The following COL6A5 variants were observed in gnomAD, a reference collection of about 807,000 sequenced individuals.
The protein encoded by COL6A5 is collagen type VI alpha 5 chain.
COL6A5 carries 48 observed loss-of-function variants against 65.6 expected under a neutral mutation model. The observed-to-expected ratio is 0.73, with a 90% CI of 0.58 to 0.93. The LOEUF (loss-of-function observed/expected upper bound fraction) is 0.93. COL6A5 is among the 40% of genes least tolerant of loss of function. The pLI is 0.00. For missense variants in COL6A5, 914 were observed against 928.3 expected (o/e 0.98, Z 0.20); for synonymous variants, 291 against 322.8 (o/e 0.90, Z 1.05).
rs375116253 is a variant in COL6A5 at position 130,381,516 on chromosome 3, A to G, written c.1300+1466A>G. ...ATTTTCTGACATTTAAATCCTGTCT[A>G]TTTTTTTCTTCTATCATTCCAGTGA... On this transcript the variant is annotated intron_variant and NMD_transcript_variant, in intron 4 of 41. Transcript: ENST00000312481. 7.2e-5 allele frequency among the ~76,000 whole-genome samples: 11 copies of G among 151,942 alleles called. No homozygotes were observed. In the South Asian group the frequency reaches 1.7e-3, roughly 23 times the overall value.
intron 4 of COL6A5, among the ~76,000 whole-genome samples, chr3:130,447,886 G>A (rs1276205808): frequency 1.3e-5 from 2 of 152,146 alleles, no homozygotes; most frequent in Non-Finnish European, 2.9e-5. Context: ...TTAGGAATGG[G>A]TTGATCCTTG....
At chr3:130,394,212 A>G (rs1311717858) in intron 7 of COL6A5, among the ~76,000 whole-genome samples, 1 of 152,194 alleles carries the variant, frequency 6.6e-6, no homozygotes, top group Non-Finnish European at 1.5e-5. Context: ...GAGAAGTTCT[A>G]ACATTTGAGT....
intron 7 of COL6A5, among the ~76,000 whole-genome samples, chr3:130,473,250 G>C (rs1054764099): frequency 6.6e-6 from 1 of 151,974 alleles, no homozygotes; most frequent in Non-Finnish European, 1.5e-5. Flanking sequence ...GCAAAAGCAA[G>C]TATATTGTGA....
rs1936122826 is a variant in COL6A5 at position 130,384,803 on chromosome 3, G to A, written c.1301-1G>A. 1 of 1,533,906 alleles carries A rather than the reference G, an allele frequency of 6.5e-7. No individual in the cohort carries two copies. Among genetic ancestry groups the A allele is most frequent in the Non-Finnish European group, 8.8e-7 (1 of 1,139,568 alleles). On this transcript the variant is annotated splice_acceptor_variant and NMD_transcript_variant, in intron 4 of 41. Coordinates refer to the COL6A5 transcript ENST00000312481. The stretch of plus-strand genomic sequence containing the variant: ...TTACAGAGAATGCACTTCTTTTTCA[G>A]GCTGTGTGGATACAAAAGAGGCTGA...
rs545336171 is a variant in COL6A5, at chr3:130,408,450, C to G, written c.4480-876C>G. ...GTCAGACTGGTTGTCTGCTCGCGAA[C>G]ACTGTTTCCTGTTAAGATGTTTATC... is the stretch of plus-strand genomic sequence containing the variant. On this transcript the variant is annotated intron_variant and NMD_transcript_variant, in intron 17 of 41. Transcript: ENST00000312481. 4.7e-4 allele frequency among the ~76,000 whole-genome samples: 71 copies of G among 152,248 alleles called. No homozygotes were observed. In the East Asian group the frequency reaches 0.013, roughly 28 times the overall value.
intron 1 of COL6A5, among the ~76,000 whole-genome samples, chr3:130,360,703 G>A (rs937735164): frequency 2.6e-5 from 4 of 152,052 alleles, no homozygotes; most frequent in Non-Finnish European, 1.5e-5. Context: ...CACCTTTATT[G>A]CTAGTCCAGA....
At chr3:130,473,589 G>A (rs2107619413) in intron 7 of COL6A5, among the ~76,000 whole-genome samples, 1 of 152,210 alleles carries the variant, frequency 6.6e-6, no homozygotes, top group East Asian at 1.9e-4. Flanking sequence ...TATACCACTG[G>A]AGGCTATATG....
At chr3:130,479,995 T>C (rs1710195555) in intron 7 of COL6A5, among the ~76,000 whole-genome samples, 1 of 152,064 alleles carries the variant, frequency 6.6e-6, no homozygotes, top group Non-Finnish European at 1.5e-5. Flanking sequence ...TACTGGGTGA[T>C]TTTCGGGATA....
chr3:130,455,415 A>G, intron 4 of COL6A5, 40 bp from the exon 37 acceptor site: 1 of 1,304,272 alleles, frequency 7.7e-7, no homozygotes, highest in South Asian at 1.3e-5. Context: ...CTCCTTCTCT[A>G]AAGTTATCTA....
At chr3:130,384,835 C>T (rs1431025212) in exon 5 of COL6A5, 2 of 1,549,298 alleles carry the variant, frequency 1.3e-6, no homozygotes, top group Non-Finnish European at 1.7e-6. Flanking sequence ...CTGATATCCA[C>T]TTCCTCATTG....
At chr3:130,432,205 T>A (rs949027286) in intron 1 of COL6A5, among the ~76,000 whole-genome samples, 2 of 152,126 alleles carry the variant, frequency 1.3e-5, no homozygotes, top group African/African-American at 4.8e-5. Context: ...CCATATGTAT[T>A]CATACATTCT....
Position 130,406,195 on chromosome 3 carries a change from G to A in COL6A5, c.4425+20G>A. ...GAAGAGGTAAGCCATATTTCTTCAA[G>A]TATCATAAAACTGTCATGAGGTTGC... On this transcript the variant is annotated intron_variant and NMD_transcript_variant, in intron 16 of 41. Coordinates refer to the COL6A5 transcript ENST00000312481. 1 of 1,550,410 alleles carries A rather than the reference G, an allele frequency of 6.4e-7. No individual in the cohort carries two copies.
At chr3:130,369,372 G>A (rs1935467926) in intron 1 of COL6A5, among the ~76,000 whole-genome samples, 1 of 152,170 alleles carries the variant, frequency 6.6e-6, no homozygotes, top group Admixed American at 6.5e-5. Context: ...CCAATAAACT[G>A]TTTACATACT....
At chr3:130,352,133 A>T (rs1377644368) in intron 1 of COL6A5, among the ~76,000 whole-genome samples, 1 of 152,178 alleles carries the variant, frequency 6.6e-6, no homozygotes, top group East Asian at 1.9e-4. Flanking sequence ...CAGGGCGGGG[A>T]ACATCACACA....
chr3:130,345,712 G>T, exon 1 of COL6A5: 2 of 398,708 alleles, frequency 5.0e-6, no homozygotes, highest in South Asian at 1.3e-4. Flanking sequence ...AAGCCCCAGG[G>T]AAGAGCCAGG....
chr3:130,407,451 G>T (rs1577477821), intron 17 of COL6A5, among the ~76,000 whole-genome samples: 1 of 152,350 alleles, frequency 6.6e-6, no homozygotes, highest in East Asian at 1.9e-4. Context: ...ACGATACTTT[G>T]CAGATGACAT....
Position 130,455,486 on chromosome 3 carries a change from G to T in COL6A5, c.1366G>T (p.Gly456Ter). The change falls in exon 5 of 8, where the codon GGA (glycine) becomes TGA (stop). Residue 456 changes from glycine to a stop codon, truncating the protein, a stop_gained. Coordinates refer to ENST00000512836, the Ensembl canonical transcript of COL6A5. LOFTEE classifies it high-confidence loss of function. ...TACTGAGCTACAAGAGGATTTTTTG[G>T]GAGGTAATGGCTTCATTGGCCAAGA... 6.2e-7 allele frequency: 1 copy of T among 1,611,902 alleles called. No homozygotes were observed. The highest frequency in any genetic ancestry group is 1.1e-5 in the South Asian group (1 of 90,940).
intron 1 of COL6A5, among the ~76,000 whole-genome samples, chr3:130,364,118 C>A (rs1291363103): frequency 4.6e-5 from 7 of 152,264 alleles, no homozygotes; most frequent in African/African-American, 1.4e-4. Context: ...TGCACTGGGA[C>A]CACAGTCATA....
chr3:130,349,580 G>A (rs1230092148), intron 1 of COL6A5, among the ~76,000 whole-genome samples: 2 of 152,148 alleles, frequency 1.3e-5, no homozygotes, highest in Non-Finnish European at 2.9e-5. Context: ...TAATAATCTA[G>A]TGATACATAA....
Sources: gnomAD v4.1 joint callset for allele counts (sites outside exome capture counted in the v4.1 genomes callset) on GRCh38, gnomAD v4.1.1 for gene constraint, MANE v1.5 for transcripts, NCBI Gene and HGNC (gene_info 2026-07-23, HGNC 2026-07-21) for gene names.